The following MCPH1 variants were observed in gnomAD, a reference collection of about 807,000 sequenced individuals.
MCPH1 encodes the protein microcephalin.
In MCPH1, 104 loss-of-function variants were observed where a neutral mutation model predicts 84.5. The observed-to-expected ratio is 1.23, with a 90% CI of 1.05 to 1.45. The LOEUF (loss-of-function observed/expected upper bound fraction) is 1.45, where lower values mean the gene tolerates loss of function less well. Ranked by LOEUF, MCPH1 falls within the 40% of genes most tolerant of loss-of-function variation. The pLI, the probability that MCPH1 is intolerant of heterozygous loss-of-function variation, is 0.00. For missense variants in MCPH1, 1,498 were observed against 1,005.7 expected (o/e 1.49, Z -6.62); for synonymous variants, 514 against 366.8 (o/e 1.40, Z -4.58).
intron 9 of MCPH1, among the ~76,000 whole-genome samples, chr8:6,476,395 C>T (rs1251885833): frequency 2.0e-5 from 3 of 148,334 alleles, no homozygotes; most frequent in African/African-American, 7.5e-5. Context: ...CACCATTGCA[C>T]TCCAGTCTGG....
intron 4 of MCPH1, 48 bp from the exon 5 acceptor site, chr8:6,436,000 C>T (rs1341520333): frequency 5.0e-6 from 8 of 1,606,728 alleles, no homozygotes; most frequent in South Asian, 2.2e-5. Flanking sequence ...TTTCTCCTGC[C>T]TTAAGCAGTT....
Position 6,528,559 on chromosome 8 carries a change from C to A in MCPH1, c.2214+28630C>A, listed in dbSNP as rs949462591. 2.6e-5 allele frequency among the ~76,000 whole-genome samples: 4 copies of A among 152,236 alleles called. No homozygotes were observed. In the South Asian group the frequency reaches 8.3e-4, roughly 31 times the overall value. ...GTTTGAACCAATCGAAGCCGTATAG[C>A]GTGAGTGTGAAGCGGAGCCTCAGCC... On this transcript the variant is annotated intron_variant, in intron 12 of 13. Coordinates refer to ENST00000344683, the MANE Select transcript of MCPH1 (RefSeq NM_024596.5).
At chr8:6,532,420 T>C (rs764883178) in intron 12 of MCPH1, 3 of 1,614,142 alleles carry the variant, frequency 1.9e-6, no homozygotes, top group Admixed American at 1.7e-5. Context: ...AGCCGTCTGG[T>C]TCTGTACTGC....
At chr8:6,567,198 T>G (rs933220046) in intron 12 of MCPH1, among the ~76,000 whole-genome samples, 2 of 139,736 alleles carry the variant, frequency 1.4e-5, no homozygotes, top group Non-Finnish European at 3.2e-5. Context: ...AGGCCATGGA[T>G]AGTGCACGTG....
At chr8:6,586,828 G>C (rs1014966122) in intron 12 of MCPH1, among the ~76,000 whole-genome samples, 1 of 152,168 alleles carries the variant, frequency 6.6e-6, no homozygotes, top group Non-Finnish European at 1.5e-5. Context: ...GAGAGATTAG[G>C]ACACTTACCA....
intron 12 of MCPH1, chr8:6,514,825 C>T (rs747374764): frequency 3.3e-6 from 5 of 1,522,090 alleles, no homozygotes; most frequent in East Asian, 2.3e-5. Context: ...CCCCCACTCC[C>T]CCCTTACGTA....
Position 6,477,700 on chromosome 8 carries a change from G to C in MCPH1, c.1973+69G>C, listed in dbSNP as rs572228786. 24 of 1,289,298 alleles carry C rather than the reference G, an allele frequency of 1.9e-5. No individual in the cohort carries two copies. In the East Asian group the frequency reaches 5.1e-4, roughly 27 times the overall value. 79.9% of individuals were successfully genotyped at this position (1,289,298 alleles called of 1,614,324 possible). A position where few individuals can be genotyped will look rare whatever the true frequency, so the allele number is the denominator to read the frequency against. ...TTTTCTCTCTTATACTCTAATTCTG[G>C]GTGCCTTTAGGCAACTTGTCAATCT... On this transcript the variant is annotated intron_variant, in intron 10 of 13. Transcript: ENST00000344683.
intron 12 of MCPH1, among the ~76,000 whole-genome samples, chr8:6,540,148 T>C (rs10102480): frequency 0.027 from 4,120 of 152,284 alleles, 140 homozygotes; most frequent in African/African-American, 0.076. Flanking sequence ...CGCTTTGCTC[T>C]TCTTTGAGTG....
chr8:6,556,869 G>C (rs368793388), intron 12 of MCPH1, among the ~76,000 whole-genome samples: 1 of 152,146 alleles, frequency 6.6e-6, no homozygotes, highest in Admixed American at 6.5e-5. Flanking sequence ...GATTACAGGT[G>C]TGAGGCACTG....
At chr8:6,454,438 G>T (rs939062701) in intron 8 of MCPH1, among the ~76,000 whole-genome samples, 2 of 152,192 alleles carry the variant, frequency 1.3e-5, no homozygotes, top group African/African-American at 4.8e-5. Flanking sequence ...AAAATCCCAT[G>T]TAAGTCATAA....
At chr8:6,531,172 C>T (rs1269481169) in intron 12 of MCPH1, among the ~76,000 whole-genome samples, 2 of 151,920 alleles carry the variant, frequency 1.3e-5, no homozygotes, top group South Asian at 2.1e-4. Flanking sequence ...TTCCCTTTCC[C>T]ACCCAGGCCG....
At position 6,409,340 on chromosome 8, in the gene MCPH1, T is replaced by C; in HGVS notation, c.84T>C (p.Phe28=). The C allele has an allele frequency of 1.2e-6, 2 of 1,614,064 alleles. No individual in the cohort carries two copies. Among genetic ancestry groups the C allele is most frequent in the Non-Finnish European group, 1.7e-6 (2 of 1,179,912 alleles). ...SNGTENYSKT[F]TTQLVDMGAK... ...GAACAGAAAATTATTCAAAGACATT[T>C]ACAACACAGCTTGTGGATATGGGGG... Residue 28 remains phenylalanine (F), a synonymous_variant, in exon 2 of 14, where the codon TTT becomes TTC. Transcript: ENST00000344683.
At position 6,539,556 on chromosome 8, in the gene MCPH1, C is replaced by G. The variant is rs116276245; in HGVS notation, c.2214+39627C>G. Among the ~76,000 whole-genome samples the G allele has an allele frequency of 6.0e-3, 920 of 152,254 alleles. 10 individuals carry two copies. Among genetic ancestry groups the G allele is most frequent in the African/African-American group, 0.021 (893 of 41,550 alleles). ...CTTCCTGAAATGGATCTGTTCTGAT[C>G]TAGCCTTTTTGCTTTTTTCTAGTCA... On this transcript the variant is annotated intron_variant, in intron 12 of 13. Coordinates refer to ENST00000344683, the MANE Select transcript of MCPH1 (RefSeq NM_024596.5).
In MCPH1 at chr8:6,621,431, TTCTA is replaced by T. The variant is rs781037980; in HGVS notation, c.2215-19_2215-16del. On this transcript the variant is annotated intron_variant, in intron 12 of 13. Coordinates refer to ENST00000344683, the MANE Select transcript of MCPH1 (RefSeq NM_024596.5). The stretch of plus-strand genomic sequence containing the variant: ...GACTGGAGTGGTCCCACCTCTGTAA[TTCTA>T]TCTCTGTCTGCCCCACAGCTGTGCC... 14 of 1,613,224 alleles carry T rather than the reference TTCTA, an allele frequency of 8.7e-6. No individual in the cohort carries two copies. The highest frequency in any genetic ancestry group is 8.3e-5 in the Admixed American group (5 of 60,000).
At chr8:6,448,899 TGAGAAA>T (rs1230414853) in intron 8 of MCPH1, among the ~76,000 whole-genome samples, 2 of 152,146 alleles carry the variant, frequency 1.3e-5, no homozygotes, top group Non-Finnish European at 2.9e-5. Context: ...GATTACATAA[TGAGAAA>T]AAGACATTTT....
intron 12 of MCPH1, among the ~76,000 whole-genome samples, chr8:6,612,145 G>C (rs997207631): frequency 1.3e-5 from 2 of 152,154 alleles, no homozygotes; most frequent in Non-Finnish European, 2.9e-5. Flanking sequence ...ACGTTCTTCT[G>C]CATCGCTCGG....
intron 12 of MCPH1, among the ~76,000 whole-genome samples, chr8:6,538,055 C>T (rs1294988289): frequency 6.6e-6 from 1 of 152,072 alleles, no homozygotes; most frequent in Non-Finnish European, 1.5e-5. Context: ...TTACTGTTGC[C>T]CATTTCAATT....
chr8:6,472,069 C>T (rs950367972), intron 9 of MCPH1, among the ~76,000 whole-genome samples: 2 of 152,092 alleles, frequency 1.3e-5, no homozygotes, highest in African/African-American at 2.4e-5. Flanking sequence ...CATCTAGAAA[C>T]ACCATAATTA....
intron 9 of MCPH1, chr8:6,477,393 G>A: frequency 3.5e-6 from 2 of 576,856 alleles, no homozygotes; most frequent in Non-Finnish European, 6.1e-6. Flanking sequence ...ATTTTGGATT[G>A]CTTTGGGGAC....
Sources: gnomAD v4.1 joint callset for allele counts (sites outside exome capture counted in the v4.1 genomes callset) on GRCh38, gnomAD v4.1.1 for gene constraint, MANE v1.5 for transcripts, NCBI Gene and HGNC (gene_info 2026-07-23, HGNC 2026-07-21) for gene names.